CCDC167: variants seen among roughly 807,000 people sequenced by gnomAD.
CCDC167 encodes coiled-coil domain-containing protein 167.
In CCDC167, 15 loss-of-function variants were observed where a neutral mutation model predicts 12.7. That is an observed-to-expected ratio of 1.18 (90% CI 0.79 to 1.81). The LOEUF is 1.81. CCDC167 is among the 40% of genes most tolerant of loss of function. The probability of loss-of-function intolerance (pLI) is 0.00; values close to 1 mark genes in which losing one functional copy is unlikely to be tolerated. For missense variants in CCDC167, 121 were observed against 120.1 expected, an observed-to-expected ratio of 1.01 and a Z score of -0.03; for synonymous variants, 52 against 49.0, an observed-to-expected ratio of 1.06 and a Z score of -0.26.
At position 37,485,662 on chromosome 6, in the gene CCDC167, G is replaced by A. The variant is rs182465293; in HGVS notation, c.43-468C>T. Among the ~76,000 whole-genome samples, 270 of 152,374 alleles carry A rather than the reference G, an allele frequency of 1.8e-3. 1 individual carries two copies. The highest frequency in any genetic ancestry group is 6.2e-3 in the African/African-American group (258 of 41,584). On this transcript the variant is annotated intron_variant, in intron 1 of 3. Transcript: ENST00000373408. ...GGCTTCCAAACACTCCACACGTGTG[G>A]GGCCGGGTGATTAGACATCTAGGGG...
chr6:37,489,057 G>C (rs922162649), intron 1 of CCDC167, among the ~76,000 whole-genome samples: 1 of 152,138 alleles, frequency 6.6e-6, no homozygotes, highest in Non-Finnish European at 1.5e-5. Flanking sequence ...CCAACATGGT[G>C]AAACTCTGTC....
intron 1 of CCDC167, among the ~76,000 whole-genome samples, chr6:37,498,811 C>T (rs995326830): frequency 1.5e-5 from 2 of 134,034 alleles, no homozygotes; most frequent in East Asian, 4.1e-4. Flanking sequence ...GACAACAGAG[C>T]GAGACTCTGT....
At chr6:37,499,792 A>G (rs759711634) in intron 1 of CCDC167, 30 bp downstream of exon 1, 7 of 1,612,368 alleles carry the variant, frequency 4.3e-6, no homozygotes, top group Non-Finnish European at 5.1e-6. Flanking sequence ...GCAACTAACG[A>G]GGTGGCCCAA....
rs894223260 is a variant in CCDC167 at position 37,484,804 on chromosome 6, T to C, written c.190+6A>G. 6.2e-7 allele frequency: 1 copy of C among 1,614,214 alleles called. No homozygotes were observed. Among genetic ancestry groups the C allele is most frequent in the Non-Finnish European group, 8.5e-7 (1 of 1,180,032 alleles). On this transcript the variant is annotated splice_donor_region_variant and intron_variant, in intron 3 of 3. Transcript: ENST00000373408. ...TGGGGCTGGTAACTGAAAGGAACTT[T>C]CTTACCGTAGTTGGAGGCTTTGTTC...
chr6:37,483,232 G>A lies in CCDC167; in HGVS notation c.248C>T (p.Ala83Val), dbSNP rs1447117920. 1.2e-6 allele frequency: 2 copies of A among 1,614,014 alleles called. No homozygotes were observed. The highest frequency in any genetic ancestry group is 1.7e-6 in the Non-Finnish European group (2 of 1,179,988). The change falls in exon 4 of 4, where the codon GCC becomes GTC. Residue 83 changes from alanine (A) to valine (V), a missense_variant. Physicochemically the swap from Ala to Val is moderately conservative, Grantham distance 64. Transcript: ENST00000373408. ...ENRKNMLLSV[A>V]IFILLTLVYA... ...GACGAGCGTCAGGAGGATAAAGATG[G>A]CCACAGAGAGCAGCATGTTCTTCCG...
At chr6:37,498,824 TAAAAAA>T (rs34019934) in intron 1 of CCDC167, among the ~76,000 whole-genome samples, 6 of 149,176 alleles carry the variant, frequency 4.0e-5, no homozygotes, top group Non-Finnish European at 1.5e-5. Flanking sequence ...GACTCTGTCT[TAAAAAA>T]AAAAAAGCAG....
intron 1 of CCDC167, among the ~76,000 whole-genome samples, chr6:37,495,508 ATTTTC>A (rs1353016728): frequency 1.3e-5 from 2 of 152,264 alleles, no homozygotes; most frequent in Non-Finnish European, 2.9e-5. Flanking sequence ...TTGAACTATA[ATTTTC>A]TTTTCTTATT....
rs1345891817 is a variant in CCDC167 at position 37,483,305 on chromosome 6, G to GTGAT, written c.191-20_191-17dup. The GTGAT allele has an allele frequency of 7.6e-6, 12 of 1,583,662 alleles. No homozygotes were observed. Among genetic ancestry groups the GTGAT allele is most frequent in the East Asian group, 2.2e-5 (1 of 44,706 alleles). ...AGTTCCTTCTCTGGGAGGAAAGAGG[G>GTGAT]TGATAGGGATAGGACAGGCAGTTTA... On this transcript the variant is annotated splice_polypyrimidine_tract_variant and intron_variant, in intron 3 of 3. Transcript: ENST00000373408.
intron 1 of CCDC167, among the ~76,000 whole-genome samples, chr6:37,498,592 C>A (rs1026650681): frequency 6.6e-6 from 1 of 151,728 alleles, no homozygotes; most frequent in Non-Finnish European, 1.5e-5. Flanking sequence ...GAGGCTAAGG[C>A]GGGCGGGCAG....
chr6:37,491,453 G>C (rs1561799122), intron 1 of CCDC167, among the ~76,000 whole-genome samples: 1 of 152,214 alleles, frequency 6.6e-6, no homozygotes, highest in Non-Finnish European at 1.5e-5. Context: ...TTAGGAAGCT[G>C]TTTGCTGTCT....
chr6:37,490,387 A>G (rs1218644827), intron 1 of CCDC167, among the ~76,000 whole-genome samples: 1 of 152,170 alleles, frequency 6.6e-6, no homozygotes, highest in Non-Finnish European at 1.5e-5. Context: ...AGGAGGAAGG[A>G]AAAAGAGGCA....
At chr6:37,495,444 C>T (rs192009772) in intron 1 of CCDC167, among the ~76,000 whole-genome samples, 242 of 152,348 alleles carry the variant, frequency 1.6e-3, no homozygotes, top group African/African-American at 5.0e-3. Flanking sequence ...GAAATTCAAC[C>T]TTTCCTTCCT....
At chr6:37,495,430 G>A (rs1160647857) in intron 1 of CCDC167, among the ~76,000 whole-genome samples, 2 of 152,244 alleles carry the variant, frequency 1.3e-5, no homozygotes, top group African/African-American at 4.8e-5. Context: ...TATCAGTTTA[G>A]ACTGAAATTC....
chr6:37,487,240 G>GC (rs1342946920), intron 1 of CCDC167, among the ~76,000 whole-genome samples: 6 of 152,184 alleles, frequency 3.9e-5, no homozygotes, highest in Non-Finnish European at 5.9e-5. Flanking sequence ...CCTGGTCCCG[G>GC]CAGAGGCCCG....
chr6:37,492,606 C>T (rs959948126), intron 1 of CCDC167, among the ~76,000 whole-genome samples: 2 of 152,212 alleles, frequency 1.3e-5, no homozygotes, highest in Non-Finnish European at 2.9e-5. Flanking sequence ...GCCTGATAAA[C>T]CCTTCTTTCC....
At chr6:37,492,967 A>G (rs1156424871) in intron 1 of CCDC167, among the ~76,000 whole-genome samples, 1 of 152,202 alleles carries the variant, frequency 6.6e-6, no homozygotes, top group African/African-American at 2.4e-5. Flanking sequence ...CGGCTCACAG[A>G]GCTCTGTGGG....
Position 37,497,546 on chromosome 6 carries a change from C to CGGGGGTT in CCDC167, c.42+2275_42+2276insAACCCCC, listed in dbSNP as rs1263553064. The stretch of plus-strand genomic sequence containing the variant: ...CAGCCCTATGCTTGGGGTCGGGGGT[C>CGGGGGTT]GGGGATCGGGGGCACTTTAAACAGC... On this transcript the variant is annotated intron_variant, in intron 1 of 3. Transcript: ENST00000373408. 6.8e-5 allele frequency among the ~76,000 whole-genome samples: 9 copies of CGGGGGTT among 132,036 alleles called. No homozygotes were observed. The East Asian group carries it at 1.4e-3, about 20-fold the overall frequency. The allele number at this position is 132,036 out of a possible 152,430, so 86.6% of individuals were successfully genotyped here.
At chr6:37,490,055 T>C (rs181602833) in intron 1 of CCDC167, among the ~76,000 whole-genome samples, 11 of 152,264 alleles carry the variant, frequency 7.2e-5, no homozygotes, top group African/African-American at 2.4e-4. Context: ...TCCCAGTCAC[T>C]GAGATGAGTC....
intron 1 of CCDC167, among the ~76,000 whole-genome samples, chr6:37,498,075 G>T (rs1422579965): frequency 6.6e-6 from 1 of 152,100 alleles, no homozygotes; most frequent in Non-Finnish European, 1.5e-5. Flanking sequence ...CAAAAGCACT[G>T]TGAGTACTGA....
Sources: gnomAD v4.1 joint callset for allele counts (sites outside exome capture counted in the v4.1 genomes callset) on GRCh38, gnomAD v4.1.1 for gene constraint, MANE v1.5 for transcripts, NCBI Gene and HGNC (gene_info 2026-07-23, HGNC 2026-07-21) for gene names.